The following CA5A variants were observed in gnomAD, a reference collection of about 807,000 sequenced individuals.
CA5A encodes carbonic anhydrase 5A, mitochondrial.
In CA5A, 28 loss-of-function variants were observed where a neutral mutation model predicts 37.1. The observed-to-expected ratio is 0.75, with a 90% CI of 0.56 to 1.03. CA5A has a LOEUF of 1.03. CA5A is among the 50% of genes least tolerant of loss of function. The probability of loss-of-function intolerance (pLI) is 0.00; values close to 1 mark genes in which losing one functional copy is unlikely to be tolerated. For missense variants in CA5A, 444 were observed against 399.9 expected (o/e 1.11, Z -0.94); for synonymous variants, 171 against 158.4 (o/e 1.08, Z -0.60).
chr16:87,919,468 A>G (rs12711482), intron 2 of CA5A, among the ~76,000 whole-genome samples: 73,099 of 152,066 alleles, frequency 0.48, 18,848 homozygotes, highest in Non-Finnish European at 0.58. Context: ...CTCCACTGGA[A>G]GCCAAGCCAC....
chr16:87,894,598 G>T (rs1361394480), intron 5 of CA5A, among the ~76,000 whole-genome samples: 1 of 151,946 alleles, frequency 6.6e-6, no homozygotes, highest in Non-Finnish European at 1.5e-5. Context: ...AGCATTATAG[G>T]CTGGGCACAG....
chr16:87,930,923 T>C (rs1315987342), intron 1 of CA5A, among the ~76,000 whole-genome samples: 3 of 151,794 alleles, frequency 2.0e-5, no homozygotes, highest in South Asian at 2.1e-4. Context: ...GTATTTTTAG[T>C]AGAGACGGGG....
chr16:87,920,881 C>G (rs1307081599), intron 2 of CA5A, among the ~76,000 whole-genome samples: 1 of 152,148 alleles, frequency 6.6e-6, no homozygotes, highest in Non-Finnish European at 1.5e-5. Flanking sequence ...GCAACCTCCA[C>G]CTACCAGGTT....
intron 6 of CA5A, among the ~76,000 whole-genome samples, chr16:87,890,494 G>A (rs1425338568): frequency 3.3e-5 from 5 of 152,308 alleles, no homozygotes; most frequent in East Asian, 1.9e-4. Flanking sequence ...GCTGAGAAAC[G>A]TCTGCCGGGC....
chr16:87,930,700 G>T (rs928478442), intron 1 of CA5A, among the ~76,000 whole-genome samples: 1 of 151,942 alleles, frequency 6.6e-6, no homozygotes, highest in African/African-American at 2.4e-5. Flanking sequence ...CACTGGGCAG[G>T]AGAGGGAGCC....
chr16:87,892,135 G>T, intron 5 of CA5A, 181 bp from the exon 6 acceptor site: 1 of 496,296 alleles, frequency 2.0e-6, no homozygotes, highest in Non-Finnish European at 3.4e-6. Flanking sequence ...CTTCTATACA[G>T]AGCAAGGATT....
intron 1 of CA5A, 92 bp from the exon 2 acceptor site, chr16:87,927,037 C>T (rs1472038607): frequency 3.3e-6 from 3 of 896,052 alleles, no homozygotes; most frequent in African/African-American, 1.6e-5. Context: ...CACGAGACCC[C>T]TCACGTCCTG....
At chr16:87,924,086 C>T in intron 2 of CA5A, 1 of 985,440 alleles carries the variant, frequency 1.0e-6, no homozygotes, top group Non-Finnish European at 1.2e-6. Flanking sequence ...GCAAAAATCC[C>T]TGCTCCCTGG....
intron 3 of CA5A, among the ~76,000 whole-genome samples, chr16:87,902,815 G>C (rs1044672276): frequency 2.0e-5 from 3 of 151,972 alleles, no homozygotes; most frequent in Non-Finnish European, 4.4e-5. Context: ...AGGAGGCTGA[G>C]GCAGGAGAAT....
At chr16:87,925,463 C>G (rs747426203) in intron 2 of CA5A, 2 of 152,192 alleles carry the variant, frequency 1.3e-5, no homozygotes, top group Non-Finnish European at 2.9e-5. Context: ...CAACTCAGTG[C>G]CCAAGGGTTT....
chr16:87,902,897 G>C (rs1216874157), intron 3 of CA5A, among the ~76,000 whole-genome samples: 2 of 149,948 alleles, frequency 1.3e-5, no homozygotes, highest in African/African-American at 2.5e-5. Context: ...GGGTGACAGA[G>C]CGAGACTCCA....
chr16:87,919,312 C>T lies in CA5A; in HGVS notation c.340+7436G>A, dbSNP rs557824185. On this transcript the variant is annotated intron_variant, in intron 2 of 6. Coordinates refer to ENST00000649794, the MANE Select transcript of CA5A (RefSeq NM_001739.2). ...TCTGGGAACAGCGTCCTCGGCTGTC[C>T]TGCGGGAGTGCTGCCTCCCACTCTC... Among the ~76,000 whole-genome samples, 36 of 152,342 alleles carry T rather than the reference C, an allele frequency of 2.4e-4. No homozygotes were observed. In the East Asian group the frequency reaches 2.5e-3, roughly 11 times the overall value.
At chr16:87,898,471 G>C (rs138543853) in intron 5 of CA5A, among the ~76,000 whole-genome samples, 24 of 152,250 alleles carry the variant, frequency 1.6e-4, no homozygotes, top group African/African-American at 5.8e-4. Flanking sequence ...AAAATTTCAT[G>C]GGCTCCCAGA....
At chr16:87,909,816 G>A (rs2056024335) in intron 2 of CA5A, among the ~76,000 whole-genome samples, 1 of 152,210 alleles carries the variant, frequency 6.6e-6, no homozygotes, top group Non-Finnish European at 1.5e-5. Context: ...TTTAAAAACT[G>A]GAAAGCCGTG....
At chr16:87,893,195 T>A in intron 5 of CA5A, 1 of 430,356 alleles carries the variant, frequency 2.3e-6, no homozygotes, top group Non-Finnish European at 4.2e-6. Context: ...TGGTGCGATC[T>A]CAGCTCACTG....
chr16:87,915,661 C>G (rs6540108), intron 2 of CA5A, among the ~76,000 whole-genome samples: 52,374 of 129,400 alleles, frequency 0.4, 11,525 homozygotes, highest in African/African-American at 0.58. Flanking sequence ...TGCACTGCAG[C>G]CTGGGCGACA....
intron 2 of CA5A, among the ~76,000 whole-genome samples, chr16:87,905,361 T>C (rs1258271611): frequency 6.6e-6 from 1 of 152,152 alleles, no homozygotes; most frequent in African/African-American, 2.4e-5. Context: ...TTGTTTTGTC[T>C]TGTTTTGTTT....
intron 2 of CA5A, among the ~76,000 whole-genome samples, chr16:87,910,818 T>C (rs148995438): frequency 0.092 from 13,940 of 152,106 alleles, 744 homozygotes; most frequent in South Asian, 0.16. Flanking sequence ...GGCCAGATCT[T>C]GGCTCACTGC....
At chr16:87,902,679 G>C (rs1188512774) in intron 3 of CA5A, among the ~76,000 whole-genome samples, 159 bp from the exon 4 acceptor site, 1 of 151,946 alleles carries the variant, frequency 6.6e-6, no homozygotes, top group Non-Finnish European at 1.5e-5. Flanking sequence ...GGCGGAGGCG[G>C]GTGGATCACG....
Sources: allele counts gnomAD v4.1 joint callset (sites outside exome capture counted in the v4.1 genomes callset), GRCh38; gene constraint gnomAD v4.1.1; transcripts MANE v1.5; gene names NCBI Gene and HGNC (gene_info 2026-07-23, HGNC 2026-07-21).